Variants in ARFGEF2 observed in about 807,000 individuals in gnomAD.
The protein encoded by ARFGEF2 is brefeldin A-inhibited guanine nucleotide-exchange protein 2.
Under a neutral mutation model 219.9 loss-of-function variants are expected in ARFGEF2, and 74 were observed. The observed-to-expected ratio is 0.34, with a 90% CI of 0.28 to 0.41. ARFGEF2 has a LOEUF of 0.41. Ranked by LOEUF, ARFGEF2 falls within the 10% of genes least tolerant of loss-of-function variation. The probability of loss-of-function intolerance (pLI) is 1.00; values close to 1 mark genes in which losing one functional copy is unlikely to be tolerated. For missense variants in ARFGEF2, 1,743 were observed against 2,218.3 expected (o/e 0.79, Z 4.30); for synonymous variants, 733 against 799.2 (o/e 0.92, Z 1.40).
intron 34 of ARFGEF2, among the ~76,000 whole-genome samples, chr20:49,022,101 G>C (rs996978254): frequency 7.0e-6 from 1 of 142,002 alleles, no homozygotes; most frequent in Non-Finnish European, 1.5e-5. Flanking sequence ...GTTGCAGTGA[G>C]CTGAGATCAT....
At chr20:48,937,206 A>G (rs560051296) in intron 1 of ARFGEF2, among the ~76,000 whole-genome samples, 7 of 152,190 alleles carry the variant, frequency 4.6e-5, no homozygotes, top group African/African-American at 1.2e-4. Flanking sequence ...TAACTTCCTG[A>G]TTGGTTTCCC....
chr20:48,971,392 A>G (rs750505796), intron 10 of ARFGEF2, 38 bp downstream of exon 10: 9 of 1,406,374 alleles, frequency 6.4e-6, no homozygotes, highest in South Asian at 5.9e-5. Flanking sequence ...ATTATTTACT[A>G]TTATTATTAG....
intron 6 of ARFGEF2, among the ~76,000 whole-genome samples, chr20:48,959,487 C>A: frequency 5.5e-4 from 3 of 5,428 alleles, no homozygotes; most frequent in African/African-American, 8.3e-4. Flanking sequence ...TTCTCTTTTC[C>A]TCCCTCCCTC....
chr20:49,020,906 T>C (rs2091561582), intron 34 of ARFGEF2, among the ~76,000 whole-genome samples: 1 of 152,170 alleles, frequency 6.6e-6, no homozygotes, highest in Non-Finnish European at 1.5e-5. Flanking sequence ...GAACAGTGCC[T>C]TTGCTGCTCC....
At chr20:49,028,416 T>A (rs2091615676) in intron 36 of ARFGEF2, 114 bp from the exon 37 acceptor site, 1 of 1,216,098 alleles carries the variant, frequency 8.2e-7, no homozygotes, top group African/African-American at 1.5e-5. Flanking sequence ...CAAGACTATC[T>A]CAAGAAAAAA....
intron 8 of ARFGEF2, 43 bp downstream of exon 8, chr20:48,966,066 C>G (rs953423602): frequency 6.2e-7 from 1 of 1,612,406 alleles, no homozygotes; most frequent in Non-Finnish European, 8.5e-7. Flanking sequence ...GCCATTTTTA[C>G]TTTTTCAAAA....
At chr20:48,986,884 C>T (rs922476001) in intron 16 of ARFGEF2, among the ~76,000 whole-genome samples, 4 of 152,058 alleles carry the variant, frequency 2.6e-5, no homozygotes, top group Non-Finnish European at 5.9e-5. Flanking sequence ...TATAATATTT[C>T]TGCAGAGATA....
intron 35 of ARFGEF2, 66 bp from the exon 36 acceptor site, chr20:49,025,247 C>T: frequency 6.5e-7 from 1 of 1,535,118 alleles, no homozygotes. Context: ...CCGTTGTCTG[C>T]AATCACAATG....
chr20:49,010,636 G>A (rs1381673402), intron 27 of ARFGEF2, among the ~76,000 whole-genome samples: 1 of 152,150 alleles, frequency 6.6e-6, no homozygotes, highest in African/African-American at 2.4e-5. Flanking sequence ...GTCAGTTGGG[G>A]TCCAGCAGAT....
intron 7 of ARFGEF2, among the ~76,000 whole-genome samples, chr20:48,965,544 T>C (rs1383806021): frequency 6.6e-6 from 1 of 152,264 alleles, no homozygotes; most frequent in East Asian, 1.9e-4. Context: ...GTACCTTTCA[T>C]GTTTAGCTGC....
intron 5 of ARFGEF2, among the ~76,000 whole-genome samples, chr20:48,953,133 G>GA (rs2091081530): frequency 6.7e-6 from 1 of 150,146 alleles, no homozygotes; most frequent in Non-Finnish European, 1.5e-5. Flanking sequence ...TTATCCTTTT[G>GA]GCTGGAATTT....
chr20:49,016,430 T>C lies in ARFGEF2; in HGVS notation c.4315+15T>C. 1 of 1,609,824 alleles carries C rather than the reference T, an allele frequency of 6.2e-7. No individual in the cohort carries two copies. Among genetic ancestry groups the C allele is most frequent in the Non-Finnish European group, 8.5e-7 (1 of 1,179,844 alleles). On this transcript the variant is annotated intron_variant, in intron 31 of 38. Coordinates refer to ENST00000371917, the MANE Select transcript of ARFGEF2 (RefSeq NM_006420.3). ...TGTCAAACAAGGTACTCTTTAAGCC[T>C]CTAGGCATCATTTTTCTTACATAGT...
intron 10 of ARFGEF2, among the ~76,000 whole-genome samples, chr20:48,971,871 A>G (rs2091230602): frequency 6.6e-6 from 1 of 152,104 alleles, no homozygotes; most frequent in Non-Finnish European, 1.5e-5. Context: ...ACTGCACTCC[A>G]GCCTGGGCAA....
intron 35 of ARFGEF2, among the ~76,000 whole-genome samples, chr20:49,023,992 C>G (rs887975605): frequency 1.8e-4 from 28 of 151,938 alleles, no homozygotes; most frequent in Non-Finnish European, 3.4e-4. Flanking sequence ...GAGACAAAGT[C>G]TCACTCTGTC....
intron 3 of ARFGEF2, among the ~76,000 whole-genome samples, chr20:48,950,024 A>G (rs550983637): frequency 6.6e-6 from 1 of 152,132 alleles, no homozygotes; most frequent in East Asian, 1.9e-4. Context: ...GAGTCCAGGA[A>G]CCTGTGTTTT....
intron 26 of ARFGEF2, among the ~76,000 whole-genome samples, chr20:49,008,630 A>G (rs2091477617): frequency 6.6e-6 from 1 of 152,008 alleles, no homozygotes; most frequent in Non-Finnish European, 1.5e-5. Flanking sequence ...TGGACAGGTT[A>G]TAGAATTGGA....
rs1352291536 is a variant in ARFGEF2, at chr20:49,005,089, A to G, written c.3452A>G (p.Glu1151Gly). ...HFNKVGCNPN[E>G]DVAIFAVDSL... ...GTTCAGGTTGGCTGCAACCCTAATG[A>G]AGATGTGGCTATCTTTGCTGTTGAC... The change falls in exon 26 of 39, where the codon GAA (glutamate) becomes GGA (glycine). Residue 1151 changes from glutamate to glycine, a missense_variant. Coordinates refer to ENST00000371917, the MANE Select transcript of ARFGEF2 (RefSeq NM_006420.3). 1 of 1,614,080 alleles carries G rather than the reference A, an allele frequency of 6.2e-7. No individual in the cohort carries two copies. Among genetic ancestry groups the G allele is most frequent in the Non-Finnish European group, 8.5e-7 (1 of 1,180,046 alleles).
chr20:48,960,107 T>A (rs1568706266), intron 6 of ARFGEF2, among the ~76,000 whole-genome samples: 1 of 152,152 alleles, frequency 6.6e-6, no homozygotes, highest in Non-Finnish European at 1.5e-5. Context: ...GAAAGAATAT[T>A]ATGGGTATAC....
chr20:48,971,101 T>G lies in ARFGEF2; in HGVS notation c.1191-19T>G. ...TTTTTTCTTTTAGCACTGTTGTGGT[T>G]TTTCATTTTCTTTGCCAGATCCCAT... On this transcript the variant is annotated intron_variant, in intron 9 of 38. Coordinates refer to ENST00000371917, the MANE Select transcript of ARFGEF2 (RefSeq NM_006420.3). 1 of 1,611,006 alleles carries G rather than the reference T, an allele frequency of 6.2e-7. No individual in the cohort carries two copies. The highest frequency in any genetic ancestry group is 8.5e-7 in the Non-Finnish European group (1 of 1,177,118).
Sources: allele counts gnomAD v4.1 joint callset (sites outside exome capture counted in the v4.1 genomes callset), GRCh38; gene constraint gnomAD v4.1.1; transcripts MANE v1.5; gene names NCBI Gene and HGNC (gene_info 2026-07-23, HGNC 2026-07-21).